CHSY3: variants seen among roughly 807,000 people sequenced by gnomAD.
The protein encoded by CHSY3 is chondroitin sulfate synthase 3.
In CHSY3, 35 loss-of-function variants were observed where a neutral mutation model predicts 67.2. That is an observed-to-expected ratio of 0.52 (90% CI 0.40 to 0.69). The LOEUF is 0.69. Among genes scored for constraint, CHSY3 ranks in the 30% least tolerant of loss-of-function variants. CHSY3 has a pLI of 0.00. For synonymous variants in CHSY3, 474 were observed against 434.7 expected, an observed-to-expected ratio of 1.09 and a Z score of -1.12; for missense variants, 1,069 against 1,138.5, an observed-to-expected ratio of 0.94 and a Z score of 0.88.
intron 2 of CHSY3, among the ~76,000 whole-genome samples, chr5:130,171,268 A>G (rs183083287): frequency 5.3e-5 from 8 of 152,306 alleles, no homozygotes; most frequent in African/African-American, 1.9e-4. Flanking sequence ...TGTGTATGTC[A>G]GGCTAAATCA....
chr5:130,151,672 G>T (rs1561560624), intron 2 of CHSY3, among the ~76,000 whole-genome samples: 1 of 152,112 alleles, frequency 6.6e-6, no homozygotes, highest in Non-Finnish European at 1.5e-5. Context: ...TCACATGGTG[G>T]CACGAAGAAG....
At chr5:129,980,234 G>C (rs1011574864) in intron 2 of CHSY3, among the ~76,000 whole-genome samples, 2 of 152,136 alleles carry the variant, frequency 1.3e-5, no homozygotes, top group African/African-American at 4.8e-5. Context: ...AGTTTCTGTC[G>C]CACCACATCC....
intron 2 of CHSY3, among the ~76,000 whole-genome samples, chr5:130,078,578 A>G (rs1394670748): frequency 1.3e-5 from 2 of 152,166 alleles, no homozygotes; most frequent in Non-Finnish European, 2.9e-5. Flanking sequence ...CAAAACCCTC[A>G]GCTATTATTT....
chr5:129,965,658 C>T (rs73785828), intron 2 of CHSY3, among the ~76,000 whole-genome samples: 4,783 of 151,852 alleles, frequency 0.031, 247 homozygotes, highest in African/African-American at 0.11. Flanking sequence ...AACCTGGAAT[C>T]GTGGGGAGGT....
At chr5:130,020,940 T>C (rs1037391924) in intron 2 of CHSY3, among the ~76,000 whole-genome samples, 1 of 152,118 alleles carries the variant, frequency 6.6e-6, no homozygotes, top group Non-Finnish European at 1.5e-5. Flanking sequence ...CTTTGGTATA[T>C]TCTTAAGAGA....
At chr5:129,938,171 G>A (rs1352671664) in intron 2 of CHSY3, among the ~76,000 whole-genome samples, 1 of 152,198 alleles carries the variant, frequency 6.6e-6, no homozygotes, top group Non-Finnish European at 1.5e-5. Context: ...GCTGTACGTT[G>A]GTCCCTTTTA....
chr5:130,166,455 T>G (rs1174675783), intron 2 of CHSY3, among the ~76,000 whole-genome samples: 2 of 152,186 alleles, frequency 1.3e-5, no homozygotes, highest in African/African-American at 4.8e-5. Context: ...AGGTAAGTTA[T>G]ACTTAGTCTC....
intron 2 of CHSY3, among the ~76,000 whole-genome samples, chr5:130,067,320 C>A (rs1765916005): frequency 6.6e-6 from 1 of 152,092 alleles, no homozygotes; most frequent in South Asian, 2.1e-4. Flanking sequence ...CACCATAGTT[C>A]TGTTATGTAA....
At chr5:129,932,665 C>A (rs1761354366) in intron 2 of CHSY3, among the ~76,000 whole-genome samples, 1 of 152,018 alleles carries the variant, frequency 6.6e-6, no homozygotes, top group African/African-American at 2.4e-5. Context: ...ATATTAAATG[C>A]AATAATGTTT....
chr5:130,001,334 G>T (rs1044723715), intron 2 of CHSY3: 6 of 604,082 alleles, frequency 9.9e-6, no homozygotes, highest in Non-Finnish European at 1.2e-5. Flanking sequence ...TAGAATTAGG[G>T]GCTTGGTGGA....
intron 2 of CHSY3, among the ~76,000 whole-genome samples, chr5:130,075,981 C>G (rs544189504): frequency 1.3e-5 from 2 of 152,178 alleles, no homozygotes; most frequent in East Asian, 3.9e-4. Context: ...TTATCTTTGA[C>G]CCTTCCCTCA....
intron 2 of CHSY3, among the ~76,000 whole-genome samples, chr5:130,181,640 G>T (rs961482445): frequency 6.6e-6 from 1 of 152,232 alleles, no homozygotes; most frequent in East Asian, 1.9e-4. Context: ...CATATTAAAT[G>T]CACACATATG....
intron 2 of CHSY3, among the ~76,000 whole-genome samples, chr5:129,983,439 T>A (rs1379439088): frequency 6.6e-6 from 1 of 152,160 alleles, no homozygotes; most frequent in African/African-American, 2.4e-5. Context: ...TTACTTATTA[T>A]GAAATAAAAT....
chr5:130,122,855 C>A (rs934001295), intron 2 of CHSY3, among the ~76,000 whole-genome samples: 1 of 152,088 alleles, frequency 6.6e-6, no homozygotes, highest in African/African-American at 2.4e-5. Context: ...CTATGTATAA[C>A]ATGAGAAAAT....
intron 2 of CHSY3, among the ~76,000 whole-genome samples, chr5:130,132,036 T>G (rs2149714255): frequency 6.6e-6 from 1 of 152,306 alleles, no homozygotes; most frequent in Non-Finnish European, 1.5e-5. Flanking sequence ...AAGCCCTATG[T>G]GACTATTCTT....
intron 2 of CHSY3, among the ~76,000 whole-genome samples, chr5:130,006,753 A>G (rs961467198): frequency 6.6e-6 from 1 of 152,096 alleles, no homozygotes; most frequent in Admixed American, 6.5e-5. Context: ...TAATACATTT[A>G]TTTTCAGTTG....
At chr5:129,959,872 T>A (rs1762282279) in intron 2 of CHSY3, among the ~76,000 whole-genome samples, 1 of 152,140 alleles carries the variant, frequency 6.6e-6, no homozygotes, top group African/African-American at 2.4e-5. Context: ...ATAACAACAC[T>A]TTAAAATTTC....
intron 2 of CHSY3, among the ~76,000 whole-genome samples, chr5:129,950,115 C>G (rs1480310457): frequency 6.7e-6 from 1 of 149,746 alleles, no homozygotes; most frequent in Non-Finnish European, 1.5e-5. Flanking sequence ...TTGCAGTGAG[C>G]TGAGATTGCG....
intron 2 of CHSY3, among the ~76,000 whole-genome samples, chr5:130,116,266 A>G (rs1331467181): frequency 6.6e-6 from 1 of 152,232 alleles, no homozygotes; most frequent in Non-Finnish European, 1.5e-5. Flanking sequence ...GAGTTCACAA[A>G]AAAACGTGGC....
Sources: allele counts gnomAD v4.1 joint callset (sites outside exome capture counted in the v4.1 genomes callset), GRCh38; gene constraint gnomAD v4.1.1; transcripts MANE v1.5; gene names NCBI Gene and HGNC (gene_info 2026-07-23, HGNC 2026-07-21).